The following BLM variants were observed in gnomAD, a reference collection of about 807,000 sequenced individuals.
The protein encoded by BLM is recQ-like DNA helicase BLM.
In BLM, 95 loss-of-function variants were observed where a neutral mutation model predicts 135.3. The observed-to-expected ratio is 0.70, with a 90% confidence interval of 0.59 to 0.83. BLM has a LOEUF of 0.83. Among genes scored for constraint, BLM ranks in the 40% least tolerant of loss-of-function variants. The pLI is 0.00. For missense variants in BLM, 1,518 were observed against 1,663.9 expected (o/e 0.91, Z 1.53); for synonymous variants, 520 against 589.2 (o/e 0.88, Z 1.70).
At chr15:90,728,330 C>A (rs936496901) in intron 1 of BLM, among the ~76,000 whole-genome samples, 3 of 151,968 alleles carry the variant, frequency 2.0e-5, no homozygotes, top group African/African-American at 7.2e-5. Flanking sequence ...GCCACTGTGC[C>A]CAGCCCAATT....
Position 90,766,912 on chromosome 15 carries a change from T to G in BLM, c.2196T>G (p.Ile732Met). 1 of 1,573,124 alleles carries G rather than the reference T, an allele frequency of 6.4e-7. No homozygotes were observed. The highest frequency in any genetic ancestry group is 8.7e-7 in the Non-Finnish European group (1 of 1,144,080). The change falls in exon 10 of 22, where the codon ATT becomes ATG. Residue 732 changes from isoleucine (I) to methionine (M), a missense_variant and splice_region_variant. Transcript: ENST00000355112. Reference protein sequence around the residue: ...DQVQKLTSLDIPATYLTGDKT... With the variant: ...DQVQKLTSLDMPATYLTGDKT... The stretch of plus-strand genomic sequence containing the variant: ...TTGTTTACTACTTTTATACTTAGAT[T>G]CCAGCTACATATCTGACAGGTGATA...
intron 14 of BLM, among the ~76,000 whole-genome samples, chr15:90,785,496 A>T (rs1013055610): frequency 2.6e-5 from 4 of 151,284 alleles, no homozygotes; most frequent in Non-Finnish European, 5.9e-5. Context: ...TACTCTGTAC[A>T]TTGCATGTAA....
chr15:90,763,444 A>G (rs1256431701), intron 8 of BLM, among the ~76,000 whole-genome samples: 2 of 152,204 alleles, frequency 1.3e-5, no homozygotes, highest in Non-Finnish European at 2.9e-5. Flanking sequence ...GCAGTTTTGG[A>G]AATCAAACAG....
intron 5 of BLM, among the ~76,000 whole-genome samples, chr15:90,758,223 C>G (rs1288234069): frequency 6.6e-6 from 1 of 151,906 alleles, no homozygotes; most frequent in Non-Finnish European, 1.5e-5. Context: ...CACGGTGGCT[C>G]ACGCCTGTAA....
At chr15:90,781,567 A>G (rs2151177079) in intron 12 of BLM, among the ~76,000 whole-genome samples, 1 of 152,330 alleles carries the variant, frequency 6.6e-6, no homozygotes, top group African/African-American at 2.4e-5. Flanking sequence ...TAGAGGTTGC[A>G]GTGAGCCAAG....
At chr15:90,718,990 G>A (rs1476926854) in intron 1 of BLM, among the ~76,000 whole-genome samples, 3 of 152,012 alleles carry the variant, frequency 2.0e-5, no homozygotes, top group African/African-American at 7.2e-5. Context: ...GAGTGAGTTT[G>A]TTTTTGTTTT....
At chr15:90,724,280 T>A (rs1206638339) in intron 1 of BLM, among the ~76,000 whole-genome samples, 3 of 152,196 alleles carry the variant, frequency 2.0e-5, no homozygotes, top group Non-Finnish European at 1.5e-5. Flanking sequence ...CCCAAAGTGC[T>A]GGGATTACAA....
At chr15:90,721,287 A>C (rs767370934) in intron 1 of BLM, among the ~76,000 whole-genome samples, 8 of 151,932 alleles carry the variant, frequency 5.3e-5, no homozygotes, top group Non-Finnish European at 2.9e-5. Flanking sequence ...ATGTGTTTTT[A>C]ATATTAATCA....
intron 10 of BLM, among the ~76,000 whole-genome samples, chr15:90,768,758 G>T (rs918301531): frequency 6.6e-6 from 1 of 152,168 alleles, no homozygotes; most frequent in African/African-American, 2.4e-5. Context: ...CCGAGTTTCG[G>T]TATTGTTACC....
chr15:90,799,049 C>T (rs1342057843), intron 17 of BLM, among the ~76,000 whole-genome samples: 2 of 151,412 alleles, frequency 1.3e-5, no homozygotes, highest in African/African-American at 4.9e-5. Context: ...CCTGTAATCC[C>T]AGCTACTCGG....
At chr15:90,718,274 C>T (rs771434775) in intron 1 of BLM, among the ~76,000 whole-genome samples, 4 of 152,170 alleles carry the variant, frequency 2.6e-5, no homozygotes, top group Non-Finnish European at 5.9e-5. Context: ...ACAGAAAGAG[C>T]ATTTGGTGAT....
At chr15:90,765,022 T>C (rs775736287) in intron 8 of BLM, among the ~76,000 whole-genome samples, 1 of 152,110 alleles carries the variant, frequency 6.6e-6, no homozygotes, top group Non-Finnish European at 1.5e-5. Flanking sequence ...TGAGCTCAGA[T>C]GGCACCACTG....
At chr15:90,807,586 A>C (rs933429359) in intron 19 of BLM, among the ~76,000 whole-genome samples, 2 of 151,946 alleles carry the variant, frequency 1.3e-5, no homozygotes, top group African/African-American at 4.8e-5. Context: ...TTTTTTGCAG[A>C]GACAGGGCCT....
chr15:90,769,702 C>A, intron 12 of BLM, 116 bp downstream of exon 12: 1 of 1,287,250 alleles, frequency 7.8e-7, no homozygotes, highest in Non-Finnish European at 1.1e-6. Flanking sequence ...ACCCCACCCC[C>A]ATGCCCAAGT....
intron 1 of BLM, among the ~76,000 whole-genome samples, chr15:90,723,341 T>C (rs984757961): frequency 4.5e-4 from 68 of 151,716 alleles, no homozygotes; most frequent in Non-Finnish European, 8.2e-4. Context: ...TAGTTTTTCT[T>C]TTCTTTTTTT....
chr15:90,736,654 A>G (rs1246376776), intron 1 of BLM, among the ~76,000 whole-genome samples: 1 of 151,928 alleles, frequency 6.6e-6, no homozygotes, highest in African/African-American at 2.4e-5. Flanking sequence ...TTAAATGTCC[A>G]TACAGGAAAT....
chr15:90,773,332 A>G (rs1896378404), intron 12 of BLM, among the ~76,000 whole-genome samples: 1 of 151,922 alleles, frequency 6.6e-6, no homozygotes, highest in Non-Finnish European at 1.5e-5. Flanking sequence ...AGACAGGAAA[A>G]TTGGTTGTAC....
At chr15:90,761,601 G>A (rs768986114) in intron 7 of BLM, among the ~76,000 whole-genome samples, 7 of 152,122 alleles carry the variant, frequency 4.6e-5, no homozygotes, top group African/African-American at 9.7e-5. Flanking sequence ...AAATGGATTC[G>A]CATGCTAAAA....
chr15:90,745,734 G>GT (rs1895484169), intron 1 of BLM, among the ~76,000 whole-genome samples: 10 of 152,130 alleles, frequency 6.6e-5, no homozygotes, highest in Admixed American at 6.6e-4. Flanking sequence ...GTATAGTAGT[G>GT]AAGTATGGGC....
Sources: gnomAD v4.1 joint callset for allele counts (sites outside exome capture counted in the v4.1 genomes callset) on GRCh38, gnomAD v4.1.1 for gene constraint, MANE v1.5 for transcripts, NCBI Gene and HGNC (gene_info 2026-07-23, HGNC 2026-07-21) for gene names.